CCAR1: variants seen among roughly 807,000 people sequenced by gnomAD.
CCAR1 encodes cell division cycle and apoptosis regulator 1, also known as cell division cycle and apoptosis regulator protein 1.
Under a neutral mutation model 163.8 loss-of-function variants are expected in CCAR1, and 78 were observed. The ratio of observed to expected loss-of-function variants is 0.48; its 90% CI spans 0.40 to 0.57. CCAR1 has a LOEUF of 0.57. Ranked by LOEUF, CCAR1 falls within the 20% of genes least tolerant of loss-of-function variation. The probability of loss-of-function intolerance (pLI) is 0.00; values close to 1 mark genes in which losing one functional copy is unlikely to be tolerated. For missense variants in CCAR1, 1,019 were observed against 1,365.2 expected (o/e 0.75, Z 4.00); for synonymous variants, 443 against 460.7 (o/e 0.96, Z 0.49).
intron 17 of CCAR1, among the ~76,000 whole-genome samples, chr10:68,766,814 C>T (rs1016592875): frequency 3.3e-5 from 5 of 152,226 alleles, no homozygotes; most frequent in South Asian, 2.1e-4. Flanking sequence ...CCTGAGCCAC[C>T]GTGTCTGGCC....
intron 6 of CCAR1, among the ~76,000 whole-genome samples, chr10:68,746,272 C>CT (rs1401063375): frequency 2.8e-5 from 4 of 141,438 alleles, no homozygotes; most frequent in African/African-American, 5.3e-5. Flanking sequence ...CGCCCAGCCT[C>CT]TTTTTTTATT....
intron 17 of CCAR1, among the ~76,000 whole-genome samples, chr10:68,769,867 C>A (rs1054851091): frequency 4.9e-5 from 7 of 142,642 alleles, no homozygotes; most frequent in Non-Finnish European, 9.0e-5. Context: ...TGTGAATTGG[C>A]GAGGCGGAGC....
At chr10:68,732,694 T>G (rs959760036) in intron 2 of CCAR1, among the ~76,000 whole-genome samples, 13 of 152,186 alleles carry the variant, frequency 8.5e-5, no homozygotes, top group Admixed American at 5.9e-4. Context: ...ATAATCCTTT[T>G]GAAAATCGGA....
chr10:68,788,578 G>A (rs753319618), intron 23 of CCAR1, among the ~76,000 whole-genome samples: 21 of 152,100 alleles, frequency 1.4e-4, no homozygotes, highest in Non-Finnish European at 2.2e-4. Context: ...ACTGCCTCCC[G>A]GATCCAAGTG....
At chr10:68,748,588 A>G (rs2056289870) in intron 8 of CCAR1, among the ~76,000 whole-genome samples, 1 of 150,384 alleles carries the variant, frequency 6.6e-6, no homozygotes, top group African/African-American at 2.4e-5. Flanking sequence ...TCCCCGGCTC[A>G]AGTGATCCTA....
At chr10:68,751,006 T>G (rs1243632811) in intron 10 of CCAR1, among the ~76,000 whole-genome samples, 1 of 151,874 alleles carries the variant, frequency 6.6e-6, no homozygotes, top group Non-Finnish European at 1.5e-5. Context: ...TATGGTCAAA[T>G]CAGCACCTAC....
chr10:68,777,331 C>A (rs1564550280), intron 19 of CCAR1, among the ~76,000 whole-genome samples: 1 of 152,150 alleles, frequency 6.6e-6, no homozygotes, highest in Non-Finnish European at 1.5e-5. Context: ...GAATTTATTT[C>A]ATTCTTTTGT....
rs2056766676 is a variant in CCAR1 at position 68,783,957 on chromosome 10, A to C, written c.2651-2179A>C. On this transcript the variant is annotated intron_variant, in intron 19 of 24. Coordinates refer to ENST00000265872, the MANE Select transcript of CCAR1 (RefSeq NM_018237.4). The stretch of plus-strand genomic sequence containing the variant: ...GTATTTTTAGTAGAGACGGGGTTTC[A>C]CCATGTTAGCGAGGATGGTCTCGAT... Among the ~76,000 whole-genome samples the C allele has an allele frequency of 4.0e-5, 6 of 151,608 alleles. No individual in the cohort carries two copies. In the South Asian group the frequency reaches 1.2e-3, roughly 32 times the overall value.
chr10:68,788,039 A>G lies in CCAR1; in HGVS notation c.2993A>G (p.Asp998Gly). 1.2e-6 allele frequency: 2 copies of G among 1,604,130 alleles called. No homozygotes were observed. The highest frequency in any genetic ancestry group is 1.7e-6 in the Non-Finnish European group (2 of 1,177,034). ...NHEESESLQE[D>G]MLGNRLLLPT... is the part of the protein sequence containing the mutation. ...GAAGAGTCTGAGTCATTGCAGGAAG[A>G]TATGCTAGGTCTGAGTAATATTAAG... is the stretch of plus-strand genomic sequence containing the variant. The change falls in exon 22 of 25, where the codon GAT becomes GGT. Residue 998 changes from aspartate (D) to glycine (G), a missense_variant. Asp to Gly is a moderately conservative substitution (Grantham distance 94). Coordinates refer to ENST00000265872, the MANE Select transcript of CCAR1 (RefSeq NM_018237.4).
intron 8 of CCAR1, among the ~76,000 whole-genome samples, chr10:68,748,435 C>A (rs2056286785): frequency 6.7e-6 from 1 of 150,200 alleles, no homozygotes; most frequent in Non-Finnish European, 1.5e-5. Context: ...GTAGCCTTAG[C>A]TTACAGAAGC....
chr10:68,721,574 G>A (rs770252037), intron 1 of CCAR1: 85 of 450,110 alleles, frequency 1.9e-4, no homozygotes, highest in Admixed American at 2.1e-4. Context: ...TTGCTCCCGA[G>A]CCGCTGCGGT....
At position 68,773,694 on chromosome 10, in the gene CCAR1, G is replaced by T. The variant is rs183540386; in HGVS notation, c.2650+595G>T. 7.2e-5 allele frequency among the ~76,000 whole-genome samples: 11 copies of T among 151,876 alleles called. No individual in the cohort carries two copies. The East Asian group carries it at 2.1e-3, about 29-fold the overall frequency. On this transcript the variant is annotated intron_variant, in intron 19 of 24. Transcript: ENST00000265872. ...AAAAAAAAAATGTATAATAGTCCTT[G>T]ATGTTTCATATACTAATTTTTTATT...
At chr10:68,745,306 C>G (rs1008775682) in intron 6 of CCAR1, among the ~76,000 whole-genome samples, 2 of 151,486 alleles carry the variant, frequency 1.3e-5, no homozygotes, top group Non-Finnish European at 2.9e-5. Context: ...ACGCCCGGCC[C>G]TTTTTGTTTT....
At chr10:68,766,166 T>A in intron 17 of CCAR1, 87 bp downstream of exon 17, 1 of 894,168 alleles carries the variant, frequency 1.1e-6, no homozygotes, top group South Asian at 1.9e-5. Flanking sequence ...ATCTTTTTTC[T>A]TTGTTTTTCG....
chr10:68,786,116 CTG>C lies in CCAR1; in HGVS notation c.2651-18_2651-17del. ...ATGTGTATTAATGACTTTTTTGCCA[CTG>C]TTATATTTATTTTACAGATAGGGAT... On this transcript the variant is annotated intron_variant, in intron 19 of 24. Transcript: ENST00000265872. 5 of 1,563,256 alleles carry C rather than the reference CTG, an allele frequency of 3.2e-6. No individual in the cohort carries two copies. Among genetic ancestry groups the C allele is most frequent in the Non-Finnish European group, 4.4e-6 (5 of 1,136,694 alleles).
intron 15 of CCAR1, 169 bp from the exon 16 acceptor site, chr10:68,760,838 T>C (rs781066906): frequency 4.4e-5 from 19 of 434,820 alleles, no homozygotes; most frequent in Non-Finnish European, 7.4e-5. Flanking sequence ...CACTCCAGCC[T>C]GGGCGACAGA....
At chr10:68,781,935 G>A (rs910070683) in intron 19 of CCAR1, among the ~76,000 whole-genome samples, 2 of 152,162 alleles carry the variant, frequency 1.3e-5, no homozygotes, top group African/African-American at 4.8e-5. Context: ...TAAAGTGAGT[G>A]AAGAAGGCAT....
At chr10:68,727,780 A>G (rs561083913) in intron 2 of CCAR1, among the ~76,000 whole-genome samples, 41 of 152,284 alleles carry the variant, frequency 2.7e-4, no homozygotes, top group African/African-American at 7.0e-4. Context: ...TGACCAGTCA[A>G]TCAAATCTTT....
At chr10:68,761,685 C>T (rs886956935) in intron 16 of CCAR1, among the ~76,000 whole-genome samples, 1 of 151,864 alleles carries the variant, frequency 6.6e-6, no homozygotes, top group Non-Finnish European at 1.5e-5. Context: ...TCACCACAAC[C>T]TCCACCTCCC....
Sources: allele counts gnomAD v4.1 joint callset (sites outside exome capture counted in the v4.1 genomes callset), GRCh38; gene constraint gnomAD v4.1.1; transcripts MANE v1.5; gene names NCBI Gene and HGNC (gene_info 2026-07-23, HGNC 2026-07-21).